TSPAN10: variants seen among roughly 807,000 people sequenced by gnomAD.
The protein encoded by TSPAN10 is tetraspanin 10.
In TSPAN10, 11 loss-of-function variants were observed where a neutral mutation model predicts 15.0. The ratio of observed to expected loss-of-function variants is 0.73; its 90% confidence interval spans 0.46 to 1.21. The LOEUF is 1.21. TSPAN10 is among the 50% of genes most tolerant of loss of function. TSPAN10 has a pLI of 0.00. For missense variants in TSPAN10, 486 were observed against 470.6 expected (o/e 1.03, Z -0.30); for synonymous variants, 241 against 226.2 (o/e 1.07, Z -0.59).
chr17:81,639,453 G>A (rs1180745871), upstream of TSPAN10, among the ~76,000 whole-genome samples: 1 of 151,584 alleles, frequency 6.6e-6, no homozygotes, highest in Non-Finnish European at 1.5e-5. Flanking sequence ...TGATCCACCC[G>A]CCTCAGCCTC....
At chr17:81,637,261 C>G in exon 1 of TSPAN10, 3 of 529,290 alleles carry the variant, frequency 5.7e-6, no homozygotes, top group Non-Finnish European at 6.8e-6. Flanking sequence ...TACTTCTGCT[C>G]GTCCTCGGAA....
At chr17:81,648,027 G>C in exon 3 of TSPAN10, 2 of 1,604,846 alleles carry the variant, frequency 1.2e-6, no homozygotes, top group Non-Finnish European at 1.7e-6. Context: ...GCCTGGATGC[G>C]GACGCAGCTC....
rs1473309231 is a variant in TSPAN10, at chr17:81,645,609, C to G, written c.654C>G (p.Tyr218Ter). 1.2e-6 allele frequency: 2 copies of G among 1,612,630 alleles called. No individual in the cohort carries two copies. The highest frequency in any genetic ancestry group is 1.7e-6 in the Non-Finnish European group (2 of 1,179,746). ...TGAGGTGCTGCGGAGCTGCCTCCTA[C>G]CAGGACTGGCAGCAGAACCTGTGAG... The change falls in exon 2 of 3, where the codon TAC becomes TAG. Residue 218 changes from tyrosine (Y) to a stop codon, truncating the protein, a stop_gained. Coordinates refer to ENST00000611590, the Ensembl canonical transcript of TSPAN10. LOFTEE classifies it low-confidence loss of function (END_TRUNC).
upstream of TSPAN10, chr17:81,638,542 C>G (rs2036142543): frequency 6.6e-6 from 1 of 152,116 alleles, no homozygotes; most frequent in Admixed American, 6.5e-5. Context: ...AGGTGATCCG[C>G]CCACCTGGGC....
rs1384866661 is a variant in TSPAN10 at position 81,645,744 on chromosome 17, T to C, written c.674+115T>C. On this transcript the variant is annotated intron_variant, in intron 2 of 2. Coordinates refer to ENST00000611590, the Ensembl canonical transcript of TSPAN10. Reference sequence around the variant, plus strand: ...ACATACTCATTCGTGCATGCCCACATGCATGCACACGTATACCCACATGTA... The same window carrying C: ...ACATACTCATTCGTGCATGCCCACACGCATGCACACGTATACCCACATGTA... 45 of 1,318,384 alleles carry C rather than the reference T, an allele frequency of 3.4e-5. No individual in the cohort carries two copies. The East Asian group carries it at 1.1e-3, about 31-fold the overall frequency. The allele number at this position is 1,318,384 out of a possible 1,614,324, so 81.7% of individuals were successfully genotyped here. A position where few individuals can be genotyped will look rare whatever the true frequency, so the allele number is the denominator to read the frequency against.
upstream of TSPAN10, among the ~76,000 whole-genome samples, chr17:81,641,540 G>A (rs899256608): frequency 2.6e-5 from 4 of 151,768 alleles, no homozygotes; most frequent in Admixed American, 6.6e-5. Flanking sequence ...CGTCTCACGC[G>A]CGCCTGAAAC....
At chr17:81,639,608 G>A (rs940790788), upstream of TSPAN10, among the ~76,000 whole-genome samples, 2 of 151,698 alleles carry the variant, frequency 1.3e-5, no homozygotes, top group African/African-American at 4.8e-5. Flanking sequence ...TTTTAAGGCT[G>A]GGGTCTTGGC....
chr17:81,642,819 G>T (rs1431532286), intron 1 of TSPAN10, among the ~76,000 whole-genome samples: 4 of 152,060 alleles, frequency 2.6e-5, no homozygotes, highest in African/African-American at 9.7e-5. Flanking sequence ...CTGTCCTTTT[G>T]CTTCTAGTGA....
At chr17:81,642,391 G>C (rs755947403), upstream of TSPAN10, 4 of 1,613,392 alleles carry the variant, frequency 2.5e-6, no homozygotes, top group Non-Finnish European at 3.4e-6. Context: ...TGTGCTGGGG[G>C]CTTTCTGTTC....
exon 3 of TSPAN10, chr17:81,648,210 C>T (rs1301569481): frequency 7.6e-7 from 1 of 1,311,726 alleles, no homozygotes; most frequent in East Asian, 3.2e-5. Context: ...CGGCGTACGG[C>T]CCCGGAGCGC....
chr17:81,645,768 T>A, intron 2 of TSPAN10, 139 bp downstream of exon 3: 1 of 1,106,724 alleles, frequency 9.0e-7, no homozygotes, highest in Non-Finnish European at 1.3e-6. Flanking sequence ...TACCCACATG[T>A]ACACGCATAT....
intron 2 of TSPAN10, 196 bp from the exon 4 acceptor site, chr17:81,647,705 G>T: frequency 1.5e-6 from 1 of 653,816 alleles, no homozygotes; most frequent in Non-Finnish European, 2.7e-6. Context: ...CGTGCACAGG[G>T]ATACGTTATA....
At chr17:81,642,748 C>T (rs1328812765) in intron 1 of TSPAN10, among the ~76,000 whole-genome samples, 1 of 152,192 alleles carries the variant, frequency 6.6e-6, no homozygotes, top group Non-Finnish European at 1.5e-5. Context: ...TCCCTTGCAG[C>T]CAGCCTCCAA....
Position 81,648,193 on chromosome 17 carries a change from AGGGGGGCGGC to A in TSPAN10, c.969_978del (p.Arg323SerfsTer?). The A allele has an allele frequency of 7.2e-7, 1 of 1,398,440 alleles. No individual in the cohort carries two copies. The allele number at this position is 1,398,440 out of a possible 1,614,324, so 86.6% of individuals were successfully genotyped here. On this transcript the variant is annotated frameshift_variant, in exon 3 of 3. Transcript: ENST00000611590. LOFTEE classifies it low-confidence loss of function (END_TRUNC). ...GCTACTCGGGGCCCTCGCTGCCCGC[AGGGGGGCGGC>A]GTACGGCCCCGGAGCGCGCGGGGAG... is the stretch of plus-strand genomic sequence containing the variant.
At chr17:81,645,782 C>T (rs1045748981) in intron 2 of TSPAN10, 153 bp downstream of exon 3, 13 of 998,370 alleles carry the variant, frequency 1.3e-5, no homozygotes, top group Non-Finnish European at 2.0e-5. Context: ...CGCATATCCA[C>T]ACTGGCACGT....
chr17:81,640,239 A>C (rs907364522), upstream of TSPAN10, among the ~76,000 whole-genome samples: 12 of 151,988 alleles, frequency 7.9e-5, no homozygotes, highest in Non-Finnish European at 1.6e-4. Flanking sequence ...CACCCACCTC[A>C]GCCTCCCAAA....
rs2036245376 is a variant in TSPAN10 at position 81,645,821 on chromosome 17, A to G, written c.674+192A>G. ...GTGCTCACAGGTTTCACGTGTGTGG[A>G]CACACACCTACACACTCCTCTACAC... is the stretch of plus-strand genomic sequence containing the variant. On this transcript the variant is annotated intron_variant, in intron 2 of 2. Transcript: ENST00000611590. 5 of 695,766 alleles carry G rather than the reference A, an allele frequency of 7.2e-6. No individual in the cohort carries two copies. In the South Asian group the frequency reaches 8.1e-5, roughly 11 times the overall value. The allele number at this position is 695,766 out of a possible 1,614,324, so 43.1% of individuals were successfully genotyped here.
exon 2 of TSPAN10, chr17:81,645,585 G>A: frequency 6.2e-7 from 1 of 1,612,736 alleles, no homozygotes; most frequent in Middle Eastern, 1.7e-4. Flanking sequence ...AGCTCGGGCT[G>A]AGGTGCTGCG....
exon 2 of TSPAN10, chr17:81,645,614 A>T (rs1367881875): frequency 2.5e-6 from 4 of 1,612,414 alleles, no homozygotes; most frequent in Middle Eastern, 1.6e-4. Context: ...TCCTACCAGG[A>T]CTGGCAGCAG....
Sources: gnomAD v4.1 joint callset for allele counts (sites outside exome capture counted in the v4.1 genomes callset) on GRCh38, gnomAD v4.1.1 for gene constraint, MANE v1.5 for transcripts, NCBI Gene and HGNC (gene_info 2026-07-23, HGNC 2026-07-21) for gene names.